The following VPS13A variants were observed in gnomAD, a reference collection of about 807,000 sequenced individuals.
The protein encoded by VPS13A is intermembrane lipid transfer protein VPS13A.
Under a neutral mutation model 390.9 loss-of-function variants are expected in VPS13A, and 264 were observed. The observed-to-expected ratio is 0.68, with a 90% CI of 0.61 to 0.75. The LOEUF is 0.75. VPS13A is among the 30% of genes least tolerant of loss of function. The pLI, the probability that VPS13A is intolerant of heterozygous loss-of-function variation, is 0.00. For synonymous variants in VPS13A, 1,231 were observed against 1,227.1 expected (o/e 1.00, Z -0.07); for missense variants, 3,409 against 3,733.9 (o/e 0.91, Z 2.27).
intron 1 of VPS13A, among the ~76,000 whole-genome samples, chr9:77,188,057 A>G (rs1212920088): frequency 6.6e-6 from 1 of 152,124 alleles, no homozygotes; most frequent in Non-Finnish European, 1.5e-5. Flanking sequence ...TGTCCTTGCA[A>G]TAGTTCTTGC....
intron 22 of VPS13A, among the ~76,000 whole-genome samples, chr9:77,252,644 A>C (rs972491023): frequency 6.6e-6 from 1 of 152,028 alleles, no homozygotes; most frequent in African/African-American, 2.4e-5. Flanking sequence ...ATAACACCCC[A>C]TTTCACCCTG....
intron 17 of VPS13A, 35 bp downstream of exon 17, chr9:77,228,299 A>C: frequency 4.5e-6 from 7 of 1,540,204 alleles, no homozygotes; most frequent in Non-Finnish European, 6.2e-6. Flanking sequence ...ATCATATATG[A>C]AAAAACTTCA....
chr9:77,312,616 C>T (rs1053152574), intron 35 of VPS13A, among the ~76,000 whole-genome samples: 2 of 151,936 alleles, frequency 1.3e-5, no homozygotes, highest in Non-Finnish European at 2.9e-5. Flanking sequence ...TTAGTAGAGA[C>T]GGGTTAGCCA....
At chr9:77,278,367 C>T (rs1826819287) in intron 26 of VPS13A, among the ~76,000 whole-genome samples, 1 of 151,956 alleles carries the variant, frequency 6.6e-6, no homozygotes, top group Non-Finnish European at 1.5e-5. Context: ...GCCACCGCGC[C>T]TGGCCACACT....
chr9:77,182,930 A>G lies in VPS13A; in HGVS notation c.100+5126A>G, dbSNP rs372729609. On this transcript the variant is annotated intron_variant, in intron 1 of 71. Transcript: ENST00000360280. ...CCGCCATGATACCAGAAGCAGTACA[A>G]AAGATGAAGATTCAGTTAGGATACA... 1.8e-4 allele frequency among the ~76,000 whole-genome samples: 27 copies of G among 152,326 alleles called. No homozygotes were observed. In the East Asian group the frequency reaches 4.2e-3, roughly 24 times the overall value.
At chr9:77,328,342 G>T (rs1043628820) in intron 45 of VPS13A, among the ~76,000 whole-genome samples, 1 of 152,128 alleles carries the variant, frequency 6.6e-6, no homozygotes, top group Non-Finnish European at 1.5e-5. Context: ...CATTTATAGA[G>T]CACAGAGTAG....
chr9:77,275,458 A>G (rs1268125389), intron 24 of VPS13A, 40 bp from the exon 25 acceptor site: 1 of 1,582,936 alleles, frequency 6.3e-7, no homozygotes. Context: ...TAAATTGATC[A>G]TTTTAATTAT....
intron 47 of VPS13A, chr9:77,338,957 C>T (rs1482922872): frequency 6.4e-6 from 1 of 157,180 alleles, no homozygotes; most frequent in Non-Finnish European, 1.4e-5. Flanking sequence ...GACTCTTAAA[C>T]TGAGACGTCA....
At chr9:77,410,934 A>G (rs1223534599) in intron 71 of VPS13A, among the ~76,000 whole-genome samples, 2 of 152,184 alleles carry the variant, frequency 1.3e-5, no homozygotes, top group Non-Finnish European at 2.9e-5. Context: ...TGCACCAAGC[A>G]GACCTAATAG....
In VPS13A at chr9:77,320,927, T is replaced by C. The variant is rs17339304; in HGVS notation, c.5416-242T>C. 0.08 allele frequency among the ~76,000 whole-genome samples: 12,108 copies of C among 152,150 alleles called. 603 individuals carry two copies. Among genetic ancestry groups the C allele is most frequent in the East Asian group, 0.13 (683 of 5,174 alleles). ...CATAGTAATTTTAGGTTTTTATTTT[T>C]CCTTCTAAATTGTGTCTGCCATTTT... On this transcript the variant is annotated intron_variant, in intron 42 of 71. Transcript: ENST00000360280.
chr9:77,389,445 A>G (rs1041049587), intron 68 of VPS13A, among the ~76,000 whole-genome samples: 1 of 151,872 alleles, frequency 6.6e-6, no homozygotes, highest in African/African-American at 2.4e-5. Flanking sequence ...AGCTGGGACT[A>G]CAGGCATGCA....
intron 50 of VPS13A, chr9:77,340,860 T>C (rs550857985): frequency 3.1e-6 from 1 of 324,024 alleles, no homozygotes; most frequent in South Asian, 3.4e-5. Flanking sequence ...GGAAATTACT[T>C]ATTCTCTCTA....
rs570750271 is a variant in VPS13A at position 77,421,313 on chromosome 9, A to G, written c.*5307A>G. ...CACAGCCTCTGCCTTGGTTTTGTGT[A>G]TTCTAAGATAATTTATAAACACAGA... On this transcript the variant is annotated 3_prime_UTR_variant, in exon 72 of 72. Coordinates refer to ENST00000360280, the MANE Select transcript of VPS13A (RefSeq NM_033305.3). 1 of 152,274 alleles carries G rather than the reference A, an allele frequency of 6.6e-6. No homozygotes were observed. Among genetic ancestry groups the G allele is most frequent in the East Asian group, 1.9e-4 (1 of 5,178 alleles). 9.4% of individuals were successfully genotyped at this position (152,274 alleles called of 1,614,324 possible).
chr9:77,220,842 T>C (rs1443961194), intron 12 of VPS13A, among the ~76,000 whole-genome samples: 2 of 152,098 alleles, frequency 1.3e-5, no homozygotes, highest in Non-Finnish European at 2.9e-5. Context: ...TTTAAGCTAT[T>C]CCCTAGTTTC....
chr9:77,338,623 A>G (rs896251114), intron 47 of VPS13A: 1 of 152,140 alleles, frequency 6.6e-6, no homozygotes, highest in Admixed American at 6.6e-5. Flanking sequence ...TAGCACTACC[A>G]CCACCATTGT....
chr9:77,198,066 C>T (rs976616386), intron 1 of VPS13A, among the ~76,000 whole-genome samples: 1 of 152,164 alleles, frequency 6.6e-6, no homozygotes, highest in Non-Finnish European at 1.5e-5. Flanking sequence ...GCAGCAGCAA[C>T]AAACAGTGGC....
At chr9:77,264,583 T>G (rs2131304131) in intron 23 of VPS13A, among the ~76,000 whole-genome samples, 1 of 152,330 alleles carries the variant, frequency 6.6e-6, no homozygotes, top group South Asian at 2.1e-4. Context: ...TCACTGATTA[T>G]TTGGCTCTCT....
intron 60 of VPS13A, 118 bp downstream of exon 60, chr9:77,365,691 A>G: frequency 1.5e-6 from 1 of 648,628 alleles, no homozygotes; most frequent in Admixed American, 3.0e-5. Context: ...TAAACTAAGT[A>G]ACAAAGGAAT....
At chr9:77,295,115 T>C (rs957426480) in intron 32 of VPS13A, among the ~76,000 whole-genome samples, 26 of 152,056 alleles carry the variant, frequency 1.7e-4, no homozygotes, top group Admixed American at 4.6e-4. Context: ...TTTTATGTCA[T>C]TGAAGTTTTT....
Sources: allele counts gnomAD v4.1 joint callset (sites outside exome capture counted in the v4.1 genomes callset), GRCh38; gene constraint gnomAD v4.1.1; transcripts MANE v1.5; gene names NCBI Gene and HGNC (gene_info 2026-07-23, HGNC 2026-07-21).